CREB1: variants seen among roughly 807,000 people sequenced by gnomAD.
CREB1 encodes the protein cyclic AMP-responsive element-binding protein 1.
In CREB1, 2 loss-of-function variants were observed where a neutral mutation model predicts 42.0. That is an observed-to-expected ratio of 0.05 (90% CI 0.02 to 0.15). The LOEUF (loss-of-function observed/expected upper bound fraction) is 0.15, where lower values mean the gene tolerates loss of function less well. CREB1 is among the 10% of genes least tolerant of loss of function. The probability of loss-of-function intolerance (pLI) is 1.00; values close to 1 mark genes in which losing one functional copy is unlikely to be tolerated. For synonymous variants in CREB1, 123 were observed against 139.9 expected (o/e 0.88, Z 0.85); for missense variants, 199 against 388.9 (o/e 0.51, Z 4.11).
chr2:207,535,533 A>C (rs2080832762), intron 1 of CREB1, among the ~76,000 whole-genome samples: 1 of 151,952 alleles, frequency 6.6e-6, no homozygotes, highest in African/African-American at 2.4e-5. Context: ...TTGTTAACTT[A>C]CCTTGACGAT....
chr2:207,546,415 CG>C (rs769116207), intron 1 of CREB1, among the ~76,000 whole-genome samples: 2 of 152,032 alleles, frequency 1.3e-5, no homozygotes, highest in East Asian at 3.9e-4. Flanking sequence ...AAGAGTGAAC[CG>C]TAAGATTAAA....
chr2:207,557,779 TA>T (rs1372304698), intron 2 of CREB1, among the ~76,000 whole-genome samples: 1 of 152,206 alleles, frequency 6.6e-6, no homozygotes, highest in Non-Finnish European at 1.5e-5. Flanking sequence ...GTTTTTATTT[TA>T]TTTTTTATAT....
Position 207,605,964 on chromosome 2 carries a change from G to C in CREB1, c.*8906G>C, listed in dbSNP as rs2088023669. Among the ~76,000 whole-genome samples, 1 of 152,006 alleles carries C rather than the reference G, an allele frequency of 6.6e-6. No individual in the cohort carries two copies. Among genetic ancestry groups the C allele is most frequent in the Non-Finnish European group, 1.5e-5 (1 of 67,990 alleles). On this transcript the variant is annotated 3_prime_UTR_variant, in exon 8 of 8. Transcript: ENST00000353267. ...TTTACAGTCTAGGCATTTTTTTCTG[G>C]AATTAAAATTAGAAGTGGCACAGAC... is the stretch of plus-strand genomic sequence containing the variant.
At chr2:207,572,510 T>C (rs1033629233) in intron 5 of CREB1, among the ~76,000 whole-genome samples, 1 of 152,234 alleles carries the variant, frequency 6.6e-6, no homozygotes, top group African/African-American at 2.4e-5. Context: ...TGTGTTTCAC[T>C]GTGTAAATAC....
chr2:207,545,884 C>T (rs2081286207), intron 1 of CREB1, among the ~76,000 whole-genome samples: 1 of 152,050 alleles, frequency 6.6e-6, no homozygotes, highest in Non-Finnish European at 1.5e-5. Flanking sequence ...CAGGCGTGCG[C>T]CACCACGCCT....
Position 207,597,640 on chromosome 2 carries a change from G to C in CREB1, c.*582G>C, listed in dbSNP as rs572539889. On this transcript the variant is annotated 3_prime_UTR_variant, in exon 8 of 8. Transcript: ENST00000353267. ...GAAATGAATTTGGAGTGCTTTTTAT[G>C]TATGTTGTCTTCTTCAATACTGAAA... 11 of 207,580 alleles carry C rather than the reference G, an allele frequency of 5.3e-5. No homozygotes were observed. Among genetic ancestry groups the C allele is most frequent in the African/African-American group, 2.3e-4 (10 of 44,066 alleles). The allele number at this position is 207,580 out of a possible 1,614,324, so 12.9% of individuals were successfully genotyped here.
intron 2 of CREB1, among the ~76,000 whole-genome samples, chr2:207,556,068 A>T (rs1472782852): frequency 1.3e-5 from 2 of 152,038 alleles, no homozygotes; most frequent in Non-Finnish European, 2.9e-5. Flanking sequence ...TGCTTTTTTT[A>T]TTTTTTTAAT....
intron 6 of CREB1, chr2:207,576,732 A>G (rs1363438550): frequency 8.6e-7 from 1 of 1,164,552 alleles, no homozygotes; most frequent in Non-Finnish European, 1.1e-6. Context: ...CACTCAAACC[A>G]TACATTTTAA....
intron 1 of CREB1, among the ~76,000 whole-genome samples, chr2:207,531,521 T>A (rs1296587466): frequency 2.6e-5 from 4 of 152,256 alleles, no homozygotes; most frequent in Non-Finnish European, 5.9e-5. Context: ...CGGTATGACC[T>A]ATTTAAGTTT....
intron 3 of CREB1, among the ~76,000 whole-genome samples, chr2:207,565,226 A>G (rs932097705): frequency 5.9e-5 from 9 of 152,196 alleles, no homozygotes; most frequent in African/African-American, 2.2e-4. Context: ...CCCAGAGTCC[A>G]TAGTTTACAT....
chr2:207,575,898 A>T (rs1419539948), intron 6 of CREB1, among the ~76,000 whole-genome samples: 1 of 147,146 alleles, frequency 6.8e-6, no homozygotes, highest in African/African-American at 2.5e-5. Context: ...ATCTCTGGAA[A>T]CAATCTTCAG....
At position 207,575,294 on chromosome 2, in the gene CREB1, A is replaced by G. The variant is rs1277793171; in HGVS notation, c.528A>G (p.Ala176=). 6.2e-7 allele frequency: 1 copy of G among 1,613,984 alleles called. No homozygotes were observed. The highest frequency in any genetic ancestry group is 8.5e-7 in the Non-Finnish European group (1 of 1,179,978). Residue 176 remains alanine, a synonymous_variant, in exon 6 of 8, where the codon GCA becomes GCG. Coordinates refer to ENST00000353267, the MANE Select transcript of CREB1 (RefSeq NM_004379.5). ...TAGTTGCCATTACCCAGGGAGGAGCAATACAGCTGGCTAACAATGGTACCG... is the reference window on the plus strand; with the variant it reads ...TAGTTGCCATTACCCAGGGAGGAGCGATACAGCTGGCTAACAATGGTACCG... ...GQYIAITQGG[A]IQLANNGTDG...
intron 3 of CREB1, among the ~76,000 whole-genome samples, chr2:207,562,297 A>G (rs1260914556): frequency 6.6e-6 from 1 of 152,216 alleles, no homozygotes; most frequent in Non-Finnish European, 1.5e-5. Flanking sequence ...TTTCACTTAT[A>G]GAAGATCTTT....
At chr2:207,553,966 A>AT (rs1041088719) in intron 1 of CREB1, among the ~76,000 whole-genome samples, 2 of 151,932 alleles carry the variant, frequency 1.3e-5, no homozygotes, top group African/African-American at 2.4e-5. Context: ...CAATATATTA[A>AT]TTTTTTTTCA....
At position 207,597,238 on chromosome 2, in the gene CREB1, C is replaced by G; in HGVS notation, c.*180C>G. On this transcript the variant is annotated 3_prime_UTR_variant, in exon 8 of 8. Coordinates refer to ENST00000353267, the MANE Select transcript of CREB1 (RefSeq NM_004379.5). ...TTGCATTAAACTGTGAATGTTCCAA[C>G]ACCTGCCTCCACTTCTCCCCTCAAG... The G allele has an allele frequency of 1.8e-6, 1 of 564,712 alleles. No homozygotes were observed. The highest frequency in any genetic ancestry group is 2.8e-6 in the Non-Finnish European group (1 of 352,928). The allele number at this position is 564,712 out of a possible 1,614,324, so 35.0% of individuals were successfully genotyped here. A position where few individuals can be genotyped will look rare whatever the true frequency, so the allele number is the denominator to read the frequency against.
In CREB1 at chr2:207,596,825, A is replaced by G. The variant is rs1051507632; in HGVS notation, c.840-89A>G. 5.4e-6 allele frequency: 8 copies of G among 1,469,946 alleles called. No individual in the cohort carries two copies. In the African/African-American group the frequency reaches 8.7e-5, roughly 16 times the overall value. 91.1% of individuals were successfully genotyped at this position (1,469,946 alleles called of 1,614,324 possible). On this transcript the variant is annotated intron_variant, in intron 7 of 7. Transcript: ENST00000353267. Reference sequence around the variant, plus strand: ...ACTAAAATGTTGGTTGCTGTGAGCTATTTCTTTAAAAAAGAAAAAAAAAAG... The same window carrying G: ...ACTAAAATGTTGGTTGCTGTGAGCTGTTTCTTTAAAAAAGAAAAAAAAAAG...
In CREB1 at chr2:207,581,704, A is replaced by G. The variant is rs114238214; in HGVS notation, c.839+4049A>G. 795 of 587,160 alleles carry G rather than the reference A, an allele frequency of 1.4e-3. 7 individuals are homozygous for G. The highest frequency in any genetic ancestry group is 0.013 in the African/African-American group (702 of 53,446). The allele number at this position is 587,160 out of a possible 1,614,324, so 36.4% of individuals were successfully genotyped here. On this transcript the variant is annotated intron_variant, in intron 7 of 7. Coordinates refer to ENST00000353267, the MANE Select transcript of CREB1 (RefSeq NM_004379.5). ...TTTCTCTAATCTTAGTATATTACAT[A>G]ACCAGGGTACATTTATCAAAAATAA...
intron 1 of CREB1, among the ~76,000 whole-genome samples, chr2:207,551,819 G>A (rs749155811): frequency 1.3e-5 from 2 of 151,968 alleles, no homozygotes; most frequent in South Asian, 2.1e-4. Flanking sequence ...TGAGGTGGGC[G>A]GATCAGGAGG....
Position 207,600,964 on chromosome 2 carries a change from C to T in CREB1, c.*3906C>T, listed in dbSNP as rs970842546. 14 of 179,396 alleles carry T rather than the reference C, an allele frequency of 7.8e-5. No homozygotes were observed. Among genetic ancestry groups the T allele is most frequent in the Admixed American group, 3.7e-4 (5 of 13,564 alleles). 11.1% of individuals were successfully genotyped at this position (179,396 alleles called of 1,614,324 possible). ...AAATTTTTAATTCTATGATCAGCCA[C>T]AGTCAGCTATTACCATAAATTGGTC... On this transcript the variant is annotated 3_prime_UTR_variant, in exon 8 of 8. Transcript: ENST00000353267.
Sources: allele counts gnomAD v4.1 joint callset (sites outside exome capture counted in the v4.1 genomes callset), GRCh38; gene constraint gnomAD v4.1.1; transcripts MANE v1.5; gene names NCBI Gene and HGNC (gene_info 2026-07-23, HGNC 2026-07-21).